The following UVRAG variants were observed in gnomAD, a reference collection of about 807,000 sequenced individuals.
UVRAG encodes UV radiation resistance-associated gene protein.
In UVRAG, 19 loss-of-function variants were observed where a neutral mutation model predicts 78.0. That is an observed-to-expected ratio of 0.24 (90% CI 0.17 to 0.36). UVRAG has a LOEUF of 0.36. UVRAG is among the 10% of genes least tolerant of loss of function. The pLI, the probability that UVRAG is intolerant of heterozygous loss-of-function variation, is 1.00. For synonymous variants in UVRAG, 323 were observed against 324.6 expected, an observed-to-expected ratio of 1.00 and a Z score of 0.05; for missense variants, 740 against 853.8, an observed-to-expected ratio of 0.87 and a Z score of 1.66.
chr11:75,854,140 C>T (rs923909431), intron 2 of UVRAG, among the ~76,000 whole-genome samples: 48 of 152,306 alleles, frequency 3.2e-4, no homozygotes, highest in African/African-American at 1.1e-3. Flanking sequence ...GTAACAAATA[C>T]CACAACTCTT....
intron 6 of UVRAG, among the ~76,000 whole-genome samples, chr11:75,947,315 A>G (rs1948604456): frequency 6.6e-6 from 1 of 152,132 alleles, no homozygotes; most frequent in Non-Finnish European, 1.5e-5. Context: ...CATTTCTGGG[A>G]GTAATATCCT....
intron 12 of UVRAG, among the ~76,000 whole-genome samples, chr11:76,039,104 T>C (rs190393319): frequency 6.6e-6 from 1 of 152,274 alleles, no homozygotes; most frequent in Non-Finnish European, 1.5e-5. Flanking sequence ...AAAACTAATA[T>C]ATTGTGTGAC....
At chr11:75,992,750 G>T (rs1332371808) in intron 8 of UVRAG, among the ~76,000 whole-genome samples, 1 of 152,118 alleles carries the variant, frequency 6.6e-6, no homozygotes, top group Non-Finnish European at 1.5e-5. Context: ...TGCTTGTGTT[G>T]AACATTATTC....
At chr11:75,851,108 A>G (rs1319702423) in intron 1 of UVRAG, among the ~76,000 whole-genome samples, 1 of 152,218 alleles carries the variant, frequency 6.6e-6, no homozygotes, top group Non-Finnish European at 1.5e-5. Context: ...TTGGGGATGA[A>G]TCTGCTGTGC....
intron 12 of UVRAG, among the ~76,000 whole-genome samples, chr11:76,044,794 A>AG (rs1950715453): frequency 6.6e-6 from 1 of 152,202 alleles, no homozygotes; most frequent in Non-Finnish European, 1.5e-5. Context: ...GAAAAAAGAA[A>AG]GAAAAAAAAT....
At chr11:76,056,163 T>G (rs889642928) in intron 12 of UVRAG, among the ~76,000 whole-genome samples, 3 of 152,250 alleles carry the variant, frequency 2.0e-5, no homozygotes, top group African/African-American at 7.2e-5. Context: ...AGTCCCCTGC[T>G]TAACCATTGT....
chr11:75,875,093 G>A (rs1052638171), intron 3 of UVRAG, among the ~76,000 whole-genome samples: 1 of 152,164 alleles, frequency 6.6e-6, no homozygotes, highest in Non-Finnish European at 1.5e-5. Context: ...AGTGGATTGT[G>A]AATTTTGTCC....
At chr11:76,005,113 G>T (rs1233314376) in intron 9 of UVRAG, among the ~76,000 whole-genome samples, 3 of 152,114 alleles carry the variant, frequency 2.0e-5, no homozygotes, top group African/African-American at 7.2e-5. Context: ...GGAGGCCGAG[G>T]CAGGCAGAGC....
In UVRAG at chr11:75,819,636, G is replaced by A. The variant is rs977600583; in HGVS notation, c.117+4112G>A. ...GCTGGGACTACAGGTGTGAACCACC[G>A]TGCCCGGCCCAAAAACAAACTATTT... On this transcript the variant is annotated intron_variant, in intron 1 of 14. Coordinates refer to ENST00000356136, the MANE Select transcript of UVRAG (RefSeq NM_003369.4). Among the ~76,000 whole-genome samples, 5 of 151,246 alleles carry A rather than the reference G, an allele frequency of 3.3e-5. No individual in the cohort carries two copies. In the South Asian group the frequency reaches 6.4e-4, roughly 19 times the overall value.
chr11:75,837,176 A>C (rs1945797954), intron 1 of UVRAG, among the ~76,000 whole-genome samples: 2 of 152,032 alleles, frequency 1.3e-5, no homozygotes, highest in Non-Finnish European at 2.9e-5. Flanking sequence ...AAATACAAAA[A>C]ATTAGCCGAG....
intron 3 of UVRAG, 85 bp downstream of exon 3, chr11:75,861,865 T>C: frequency 1.7e-6 from 2 of 1,171,178 alleles, no homozygotes; most frequent in Non-Finnish European, 2.5e-6. Context: ...AAGTTGAGGT[T>C]CAGCTCTGGT....
intron 8 of UVRAG, among the ~76,000 whole-genome samples, chr11:76,000,035 G>A (rs1366779088): frequency 6.6e-6 from 1 of 151,924 alleles, no homozygotes; most frequent in Non-Finnish European, 1.5e-5. Flanking sequence ...TTTTTAAAGA[G>A]CTTAAAAAAT....
At chr11:75,969,897 C>T (rs535727726) in intron 7 of UVRAG, among the ~76,000 whole-genome samples, 1 of 152,288 alleles carries the variant, frequency 6.6e-6, no homozygotes, top group South Asian at 2.1e-4. Context: ...TAACCTTTTC[C>T]TTTTAAAGTT....
At chr11:76,133,143 G>T (rs1952541293) in intron 14 of UVRAG, among the ~76,000 whole-genome samples, 2 of 152,118 alleles carry the variant, frequency 1.3e-5, no homozygotes, top group Admixed American at 1.3e-4. Context: ...AATTTTAGTT[G>T]CCGTTTTATT....
At chr11:76,062,659 G>T (rs1005449122) in intron 12 of UVRAG, among the ~76,000 whole-genome samples, 4 of 152,186 alleles carry the variant, frequency 2.6e-5, no homozygotes, top group East Asian at 3.9e-4. Flanking sequence ...GCATTCAGAG[G>T]CAGTAGAGAG....
chr11:75,920,717 A>G (rs566861200), intron 6 of UVRAG, among the ~76,000 whole-genome samples: 10 of 152,328 alleles, frequency 6.6e-5, no homozygotes, highest in African/African-American at 1.9e-4. Context: ...GTCTCTCTAT[A>G]TGTCATAGAT....
In UVRAG at chr11:76,141,432, A is replaced by C. The variant is rs1478868076; in HGVS notation, c.*19A>C. The C allele has an allele frequency of 6.2e-7, 1 of 1,604,890 alleles. No homozygotes were observed. Among genetic ancestry groups the C allele is most frequent in the African/African-American group, 1.3e-5 (1 of 74,938 alleles). On this transcript the variant is annotated 3_prime_UTR_variant, in exon 15 of 15. Coordinates refer to ENST00000356136, the MANE Select transcript of UVRAG (RefSeq NM_003369.4). ...TAAGTGAAGTGAGCAGGTCAACAGT[A>C]GGACTGGGGCAGAAGCTCTGCCTAA...
At chr11:75,954,149 C>CT (rs1366305751) in intron 6 of UVRAG, among the ~76,000 whole-genome samples, 3 of 152,098 alleles carry the variant, frequency 2.0e-5, no homozygotes, top group African/African-American at 7.2e-5. Flanking sequence ...GTTATTAGCT[C>CT]TGTCTTGATG....
intron 12 of UVRAG, among the ~76,000 whole-genome samples, chr11:76,057,580 C>T (rs1303340882): frequency 6.6e-6 from 1 of 152,190 alleles, no homozygotes; most frequent in African/African-American, 2.4e-5. Context: ...GAAATATTTT[C>T]AGTCCCCAGT....
Sources: allele counts gnomAD v4.1 joint callset (sites outside exome capture counted in the v4.1 genomes callset), GRCh38; gene constraint gnomAD v4.1.1; transcripts MANE v1.5; gene names NCBI Gene and HGNC (gene_info 2026-07-23, HGNC 2026-07-21).